Variants in RTBDN observed in about 807,000 individuals in gnomAD.
RTBDN encodes the protein retbindin.
Under a neutral mutation model 21.9 loss-of-function variants are expected in RTBDN, and 24 were observed. The observed-to-expected ratio is 1.10, with a 90% CI of 0.79 to 1.54. The LOEUF is 1.54. Among genes scored for constraint, RTBDN ranks in the 40% most tolerant of loss-of-function variants. The probability of loss-of-function intolerance (pLI) is 0.00; values close to 1 mark genes in which losing one functional copy is unlikely to be tolerated. For synonymous variants in RTBDN, 141 were observed against 125.9 expected (o/e 1.12, Z -0.80); for missense variants, 325 against 315.2 (o/e 1.03, Z -0.23).
At chr19:12,828,092 TC>T (rs1969388843) in intron 4 of RTBDN, among the ~76,000 whole-genome samples, 2 of 79,926 alleles carry the variant, frequency 2.5e-5, no homozygotes, top group Non-Finnish European at 4.4e-5. Context: ...AAACTCCATC[TC>T]AAAAAAAAAA....
At chr19:12,834,729 G>T (rs1969697999), upstream of RTBDN, 9 of 1,586,816 alleles carry the variant, frequency 5.7e-6, no homozygotes, top group Non-Finnish European at 7.8e-6. The surrounding 1 kb of genome is among the most constrained non-coding windows in gnomAD (Gnocchi z 4.7). Context: ...GGACACTGAG[G>T]ATCGCTGTGG....
At chr19:12,833,343 G>A (rs1182462429) in intron 1 of RTBDN, among the ~76,000 whole-genome samples, 1 of 151,834 alleles carries the variant, frequency 6.6e-6, no homozygotes, top group African/African-American at 2.4e-5. Context: ...TCTGATTGGG[G>A]GTATCCTTTA....
At chr19:12,826,403 C>G in intron 5 of RTBDN, 1 of 1,271,354 alleles carries the variant, frequency 7.9e-7, no homozygotes, top group Non-Finnish European at 1.0e-6. Context: ...TAAGAAAGAA[C>G]TTGGTGGGGG....
Position 12,830,474 on chromosome 19 carries a change from G to A in RTBDN, c.-18-477C>T, listed in dbSNP as rs1036505740. On this transcript the variant is annotated intron_variant, in intron 1 of 5. Coordinates refer to ENST00000674343, the MANE Select transcript of RTBDN (RefSeq NM_001270441.2). This position sits in a 1 kb window ranked among gnomAD's most constrained non-coding sequence, Gnocchi z 4.2. ...ACAATCGGCTTAGGGGCCACCCAGAGCTGGACCTTTGGGACCAAGGCTGGT... is the reference window on the plus strand; with the variant it reads ...ACAATCGGCTTAGGGGCCACCCAGAACTGGACCTTTGGGACCAAGGCTGGT... 1 of 986,664 alleles carries A rather than the reference G, an allele frequency of 1.0e-6. No individual in the cohort carries two copies. The highest frequency in any genetic ancestry group is 1.7e-5 in the African/African-American group (1 of 57,270). 61.1% of individuals were successfully genotyped at this position (986,664 alleles called of 1,614,324 possible).
At chr19:12,828,104 A>G (rs1969390585) in intron 4 of RTBDN, among the ~76,000 whole-genome samples, 1 of 149,360 alleles carries the variant, frequency 6.7e-6, no homozygotes. Flanking sequence ...AAAAAAAAAA[A>G]AAAGAAAAAA....
In RTBDN at chr19:12,825,863, G is replaced by T; in HGVS notation, c.533C>A (p.Ala178Asp). The T allele has an allele frequency of 6.2e-7, 1 of 1,613,388 alleles. No individual in the cohort carries two copies. Among genetic ancestry groups the T allele is most frequent in the Non-Finnish European group, 8.5e-7 (1 of 1,179,756 alleles). The part of the protein sequence containing the change: ...GHALPVAAPG[A>D]RHCFNISISA... ...GATGGAGATGTTGAAGCAGTGACGGGCTCCAGGAGCAGCCACCGGTAGGGC... is the reference window on the plus strand; with the variant it reads ...GATGGAGATGTTGAAGCAGTGACGGTCTCCAGGAGCAGCCACCGGTAGGGC... Residue 178 changes from alanine to aspartate, a missense_variant, in exon 6 of 6, where the codon GCC (alanine) becomes GAC (aspartate). Physicochemically the swap from Ala to Asp is moderately radical, Grantham distance 126 (BLOSUM62 -2). Coordinates refer to ENST00000674343, the MANE Select transcript of RTBDN (RefSeq NM_001270441.2).
intron 4 of RTBDN, 144 bp downstream of exon 4, chr19:12,828,513 G>A (rs1378739262): frequency 1.2e-4 from 75 of 607,296 alleles, no homozygotes; most frequent in Non-Finnish European, 4.8e-5. Flanking sequence ...TATCTACCTG[G>A]GCTCTAAACA....
At position 12,825,740 on chromosome 19, in the gene RTBDN, C is replaced by T; in HGVS notation, c.656G>A (p.Ser219Asn). ...PRTSILDAAG[S>N]GSGSGSGSGP ...GCTGCCGCTTCCACTGCCACTCCCG[C>T]TGCCCGCAGCGTCCAGGATGGAGGT... is the stretch of plus-strand genomic sequence containing the variant. Residue 219 changes from serine to asparagine, a missense_variant, in exon 6 of 6, where the codon AGC becomes AAC. Transcript: ENST00000674343. The T allele has an allele frequency of 6.3e-7, 1 of 1,597,646 alleles. No homozygotes were observed. Among genetic ancestry groups the T allele is most frequent in the Non-Finnish European group, 8.5e-7 (1 of 1,173,132 alleles).
Position 12,826,116 on chromosome 19 carries a change from C to T in RTBDN, c.463-183G>A, listed in dbSNP as rs368555715. ...TCCTTGGGGAGGGTGAATGTTCTTA[C>T]TGGGCCCTAGCGGGATGAATCAGGG... On this transcript the variant is annotated intron_variant, in intron 5 of 5. Coordinates refer to ENST00000674343, the MANE Select transcript of RTBDN (RefSeq NM_001270441.2). The T allele has an allele frequency of 1.8e-5, 25 of 1,398,734 alleles. 2 individuals are homozygous for T. The highest frequency in any genetic ancestry group is 1.8e-4 in the African/African-American group (12 of 67,874). 86.6% of individuals were successfully genotyped at this position (1,398,734 alleles called of 1,614,324 possible).
At position 12,830,136 on chromosome 19, in the gene RTBDN, C is replaced by T. The variant is rs183700620; in HGVS notation, c.-18-139G>A. 6.8e-5 allele frequency: 86 copies of T among 1,269,924 alleles called. 1 individual carries two copies. The African/African-American group carries it at 7.7e-4, about 11-fold the overall frequency. 78.7% of individuals were successfully genotyped at this position (1,269,924 alleles called of 1,614,324 possible). On this transcript the variant is annotated intron_variant, in intron 1 of 5. Coordinates refer to ENST00000674343, the MANE Select transcript of RTBDN (RefSeq NM_001270441.2). The surrounding 1 kb of genome is among the most constrained non-coding windows in gnomAD (Gnocchi z 4.2). ...AGGAGGCTGGGGCAGTGGCCAAGGA[C>T]GTTCAAATCCCAGGAGACCATCAGG...
chr19:12,833,994 C>T (rs1969670825), intron 1 of RTBDN: 2 of 398,158 alleles, frequency 5.0e-6, no homozygotes, highest in South Asian at 1.3e-4. Context: ...TCATCCGCCG[C>T]CGGAGGCTGC....
At chr19:12,835,220 C>A, upstream of RTBDN, 1 of 907,276 alleles carries the variant, frequency 1.1e-6, no homozygotes. Flanking sequence ...TGGGTAACGC[C>A]GGAGCCAGAC....
chr19:12,830,156 A>G lies in RTBDN; in HGVS notation c.-18-159T>C. ...AAGGACGTTCAAATCCCAGGAGACCATCAGGGCCTGCCTCCAACCTAGGAG... is the reference window on the plus strand; with the variant it reads ...AAGGACGTTCAAATCCCAGGAGACCGTCAGGGCCTGCCTCCAACCTAGGAG... On this transcript the variant is annotated intron_variant, in intron 1 of 5. Coordinates refer to ENST00000674343, the MANE Select transcript of RTBDN (RefSeq NM_001270441.2). The surrounding 1 kb of genome is among the most constrained non-coding windows in gnomAD (Gnocchi z 4.2). 2 of 1,273,096 alleles carry G rather than the reference A, an allele frequency of 1.6e-6. No individual in the cohort carries two copies. Among genetic ancestry groups the G allele is most frequent in the Non-Finnish European group, 2.1e-6 (2 of 959,196 alleles). The allele number at this position is 1,273,096 out of a possible 1,614,324, so 78.9% of individuals were successfully genotyped here. A position where few individuals can be genotyped will look rare whatever the true frequency, so the allele number is the denominator to read the frequency against.
chr19:12,825,982 G>A (rs757875581), intron 5 of RTBDN, 49 bp from the exon 6 acceptor site: 18 of 1,498,328 alleles, frequency 1.2e-5, no homozygotes, highest in Non-Finnish European at 8.0e-6. Flanking sequence ...CCAGAGACGT[G>A]GGGGGCGTGG....
rs1352697628 is a variant in RTBDN, at chr19:12,826,882, C to T, written c.366-11G>A. The T allele has an allele frequency of 5.2e-6, 8 of 1,539,794 alleles. No homozygotes were observed. Among genetic ancestry groups the T allele is most frequent in the African/African-American group, 1.4e-5 (1 of 72,708 alleles). ...TCGCAGTTGGCGAACCTGGAGATGGCGAGTGGAGAGGTGGGTAAAGCCTTT... is the reference window on the plus strand; with the variant it reads ...TCGCAGTTGGCGAACCTGGAGATGGTGAGTGGAGAGGTGGGTAAAGCCTTT... On this transcript the variant is annotated splice_polypyrimidine_tract_variant and intron_variant, in intron 4 of 5. Transcript: ENST00000674343.
At chr19:12,825,973 C>T in intron 5 of RTBDN, 40 bp from the exon 6 acceptor site, 3 of 1,517,100 alleles carry the variant, frequency 2.0e-6, no homozygotes, top group Admixed American at 2.2e-5. Context: ...GGGCGGAGTC[C>T]AGAGACGTGG....
At position 12,825,698 on chromosome 19, in the gene RTBDN, C is replaced by T. The variant is rs1430803971; in HGVS notation, c.*8G>A. 9 of 1,556,214 alleles carry T rather than the reference C, an allele frequency of 5.8e-6. No homozygotes were observed. The highest frequency in any genetic ancestry group is 6.9e-6 in the Non-Finnish European group (8 of 1,151,570). On this transcript the variant is annotated 3_prime_UTR_variant, in exon 6 of 6. Coordinates refer to ENST00000674343, the MANE Select transcript of RTBDN (RefSeq NM_001270441.2). ...GGGTCGCTCCCCCAACTCAGGGCCA[C>T]GCGTCCGCTAGGGGCCGCTGCCGCT... is the stretch of plus-strand genomic sequence containing the variant.
Position 12,834,488 on chromosome 19 carries a change from C to G in RTBDN, c.-19+1G>C, listed in dbSNP as rs747996430. ...TAGGACGCCCTGCGTCCCCCACGCA[C>G]CTGCCTGGCCATCAGGATTCTTCCT... On this transcript the variant is annotated splice_donor_variant, in intron 1 of 5. Transcript: ENST00000674343. LOFTEE classifies it low-confidence loss of function (5UTR_SPLICE). The surrounding 1 kb of genome is among the most constrained non-coding windows in gnomAD (Gnocchi z 4.7). 7 of 1,535,260 alleles carry G rather than the reference C, an allele frequency of 4.6e-6. No individual in the cohort carries two copies. The highest frequency in any genetic ancestry group is 1.7e-4 in the Middle Eastern group (1 of 5,980).
At chr19:12,827,476 C>G (rs957244053) in intron 4 of RTBDN, among the ~76,000 whole-genome samples, 6 of 151,916 alleles carry the variant, frequency 3.9e-5, no homozygotes, top group African/African-American at 1.4e-4. Context: ...GCGCCCACCA[C>G]CACGCCTGGC....
Sources: allele counts gnomAD v4.1 joint callset (sites outside exome capture counted in the v4.1 genomes callset), GRCh38; gene constraint gnomAD v4.1.1; non-coding constraint Gnocchi (gnomAD v3.1); transcripts MANE v1.5; gene names NCBI Gene and HGNC (gene_info 2026-07-23, HGNC 2026-07-21).